The following DUSP5 variants were observed in gnomAD, a reference collection of about 807,000 sequenced individuals.
DUSP5 encodes dual specificity protein phosphatase 5.
A neutral mutation model predicts 33.6 loss-of-function variants in DUSP5; 22 were observed. That is an observed-to-expected ratio of 0.66 (90% CI 0.47 to 0.94). The LOEUF is 0.94. Among genes scored for constraint, DUSP5 ranks in the 40% least tolerant of loss-of-function variants. The probability of loss-of-function intolerance (pLI) is 0.00; values close to 1 mark genes in which losing one functional copy is unlikely to be tolerated. For synonymous variants in DUSP5, 270 were observed against 231.1 expected, an observed-to-expected ratio of 1.17 and a Z score of -1.53; for missense variants, 551 against 522.1, an observed-to-expected ratio of 1.06 and a Z score of -0.54.
In DUSP5 at chr10:110,498,215, C is replaced by T; in HGVS notation, c.94C>T (p.Leu32=). 2 of 1,512,596 alleles carry T rather than the reference C, an allele frequency of 1.3e-6. No individual in the cohort carries two copies. The highest frequency in any genetic ancestry group is 1.7e-4 in the Middle Eastern group (1 of 5,720). 93.7% of individuals were successfully genotyped at this position (1,512,596 alleles called of 1,614,324 possible). The change falls in exon 1 of 4, where the codon CTG becomes TTG. Residue 32 remains leucine, a synonymous_variant. Coordinates refer to ENST00000369583, the MANE Select transcript of DUSP5 (RefSeq NM_004419.4). ...RCVVLDCRPY[L]AFAASNVRGS... ...CGTGGTGCTCGACTGCCGGCCCTAT[C>T]TGGCCTTCGCTGCCTCGAACGTGCG...
chr10:110,502,841 A>G lies in DUSP5; in HGVS notation c.500A>G (p.Asn167Ser). 1.2e-6 allele frequency: 2 copies of G among 1,614,176 alleles called. No individual in the cohort carries two copies. Among genetic ancestry groups the G allele is most frequent in the Non-Finnish European group, 1.7e-6 (2 of 1,180,030 alleles). The change falls in exon 2 of 4, where the codon AAT (asparagine) becomes AGT (serine). Residue 167 changes from asparagine (N) to serine (S), a missense_variant. Physicochemically the swap from Asn to Ser is conservative, Grantham distance 46 (BLOSUM62 1). Around this residue, in one of 3 missense-constraint regions of DUSP5, gnomAD observed 381 missense variants for 310.4 expected, o/e 1.23. Transcript: ENST00000369583. ...LISQCGKPVV[N>S]VSYRPAYDQG... The stretch of plus-strand genomic sequence containing the variant: ...AGCCAGTGTGGAAAACCAGTGGTAA[A>G]TGTCAGCTACAGGCCAGCTTATGAC...
At chr10:110,499,863 A>G (rs964623837) in intron 1 of DUSP5, among the ~76,000 whole-genome samples, 10 of 152,194 alleles carry the variant, frequency 6.6e-5, no homozygotes, top group African/African-American at 2.4e-4. Context: ...AAGAGGTTCC[A>G]GGAGACCCTC....
rs114040780 is a variant in DUSP5 at position 110,504,786 on chromosome 10, A to G, written c.528+1917A>G. ...GAAGCCATGTTCTGTTCATTCTTCAATCTCTATGACAGTGGCAGCTATGTG... is the reference window on the plus strand; with the variant it reads ...GAAGCCATGTTCTGTTCATTCTTCAGTCTCTATGACAGTGGCAGCTATGTG... On this transcript the variant is annotated intron_variant, in intron 2 of 3. Transcript: ENST00000369583. Among the ~76,000 whole-genome samples, 894 of 152,280 alleles carry G rather than the reference A, an allele frequency of 5.9e-3. 8 individuals carry two copies. The highest frequency in any genetic ancestry group is 0.02 in the African/African-American group (850 of 41,550).
chr10:110,501,060 C>T (rs1225870364), intron 1 of DUSP5, among the ~76,000 whole-genome samples: 1 of 152,228 alleles, frequency 6.6e-6, no homozygotes, highest in Admixed American at 6.5e-5. Context: ...TCATTCTGAA[C>T]TCCAAATTCC....
chr10:110,502,944 G>C, intron 2 of DUSP5, 75 bp downstream of exon 2: 1 of 1,574,490 alleles, frequency 6.4e-7, no homozygotes, highest in Non-Finnish European at 8.7e-7. Flanking sequence ...CTCAGCACCT[G>C]ACTGTTCTCT....
chr10:110,510,020 A>C lies in DUSP5; in HGVS notation c.749A>C (p.Asp250Ala), dbSNP rs1231837373. 2.5e-6 allele frequency: 4 copies of C among 1,588,982 alleles called. No individual in the cohort carries two copies. The highest frequency in any genetic ancestry group is 2.7e-5 in the African/African-American group (2 of 74,458). ...TCCCACCATCTTTTCTTCCTTCCAG[A>C]CTGTGTCAGGGAAAAGGGAGGCAAG... The part of the protein sequence containing the change: ...SHFQEAIDFI[D>A]CVREKGGKVL... Residue 250 changes from aspartate (D) to alanine (A), a missense_variant and splice_region_variant, in exon 4 of 4, where the codon GAC becomes GCC. Physicochemically the swap from Asp to Ala is moderately radical, Grantham distance 126 (BLOSUM62 -2). This residue lies in a region of DUSP5 where 158 missense variants were observed against 181.8 expected (regional missense o/e 0.87). Coordinates refer to ENST00000369583, the MANE Select transcript of DUSP5 (RefSeq NM_004419.4).
intron 1 of DUSP5, among the ~76,000 whole-genome samples, chr10:110,500,659 T>G (rs1421003738): frequency 6.6e-6 from 1 of 152,226 alleles, no homozygotes; most frequent in East Asian, 1.9e-4. Flanking sequence ...ATAGTATCTG[T>G]GCTCTCTCTG....
chr10:110,507,236 C>A, intron 3 of DUSP5, 82 bp downstream of exon 3: 4 of 1,378,726 alleles, frequency 2.9e-6, no homozygotes, highest in Non-Finnish European at 2.0e-6. Context: ...CTGATGGAAG[C>A]TACCTTCACT....
intron 1 of DUSP5, among the ~76,000 whole-genome samples, chr10:110,500,062 G>A (rs2134656293): frequency 6.6e-6 from 1 of 152,276 alleles, no homozygotes; most frequent in South Asian, 2.1e-4. Flanking sequence ...GATGAGAAGC[G>A]GGTCTTCTGC....
chr10:110,499,742 G>C (rs897596038), intron 1 of DUSP5, among the ~76,000 whole-genome samples: 1 of 152,220 alleles, frequency 6.6e-6, no homozygotes, highest in Non-Finnish European at 1.5e-5. Context: ...GGGGATAGAG[G>C]GTTGGCCCTC....
chr10:110,506,720 G>A (rs1219179393), intron 2 of DUSP5, among the ~76,000 whole-genome samples: 2 of 152,192 alleles, frequency 1.3e-5, no homozygotes, highest in Non-Finnish European at 2.9e-5. Flanking sequence ...GGATTTTGCT[G>A]TCATTGAGTC....
At position 110,498,292 on chromosome 10, in the gene DUSP5, C is replaced by T. The variant is rs979866130; in HGVS notation, c.171C>T (p.Gly57=). ...LNSVVLRRAR[G]GAVSARYVLP... is the part of the protein sequence containing the mutation. Reference sequence around the variant, plus strand: ...CGGTGGTGCTGCGGCGGGCCCGGGGCGGCGCGGTGTCGGCGCGCTACGTGC... The same window carrying T: ...CGGTGGTGCTGCGGCGGGCCCGGGGTGGCGCGGTGTCGGCGCGCTACGTGC... Residue 57 remains glycine (G), a synonymous_variant, in exon 1 of 4, where the codon GGC becomes GGT. Coordinates refer to ENST00000369583, the MANE Select transcript of DUSP5 (RefSeq NM_004419.4). 3.5e-6 allele frequency: 5 copies of T among 1,445,562 alleles called. No homozygotes were observed. Among genetic ancestry groups the T allele is most frequent in the East Asian group, 2.9e-5 (1 of 34,248 alleles). 89.5% of individuals were successfully genotyped at this position (1,445,562 alleles called of 1,614,324 possible). A position where few individuals can be genotyped will look rare whatever the true frequency, so the allele number is the denominator to read the frequency against.
In DUSP5 at chr10:110,502,899, T is replaced by C. The variant is rs1360169916; in HGVS notation, c.528+30T>C. ...GTGATGTGATGGGGAAGAGGTATCC[T>C]GAGTGGTATTCTGGGCTCCTGTCTC... On this transcript the variant is annotated intron_variant, in intron 2 of 3. Coordinates refer to ENST00000369583, the MANE Select transcript of DUSP5 (RefSeq NM_004419.4). 4 of 1,613,046 alleles carry C rather than the reference T, an allele frequency of 2.5e-6. No homozygotes were observed. In the Admixed American group the frequency reaches 6.7e-5, roughly 27 times the overall value.
intron 1 of DUSP5, 31 bp downstream of exon 1, chr10:110,498,531 C>G: frequency 7.0e-7 from 1 of 1,422,466 alleles, no homozygotes; most frequent in Non-Finnish European, 9.1e-7. Context: ...CCACGCTCGC[C>G]CCTCCGGCGC....
intron 1 of DUSP5, among the ~76,000 whole-genome samples, chr10:110,500,441 C>A (rs1171391493): frequency 6.6e-6 from 1 of 152,222 alleles, no homozygotes; most frequent in African/African-American, 2.4e-5. Context: ...ACCCTTATAA[C>A]ACTACTAAAC....
chr10:110,510,345 C>T lies in DUSP5; in HGVS notation c.1074C>T (p.Ala358=). The T allele has an allele frequency of 6.2e-7, 1 of 1,613,944 alleles. No individual in the cohort carries two copies. Among genetic ancestry groups the T allele is most frequent in the Non-Finnish European group, 8.5e-7 (1 of 1,179,934 alleles). Residue 358 remains alanine, a synonymous_variant, in exon 4 of 4, where the codon GCC becomes GCT. Coordinates refer to ENST00000369583, the MANE Select transcript of DUSP5 (RefSeq NM_004419.4). ...AGGGTGCCTACTGCACATTCCCTGC[C>T]TCGGTGCTGGCACCGGTGCCTACCC... The part of the protein sequence containing the change: ...DMQGAYCTFP[A]SVLAPVPTHS...
rs1345305268 is a variant in DUSP5 at position 110,510,381 on chromosome 10, C to T, written c.1110C>T (p.Val370=). 2 of 1,610,540 alleles carry T rather than the reference C, an allele frequency of 1.2e-6. No individual in the cohort carries two copies. Among genetic ancestry groups the T allele is most frequent in the Non-Finnish European group, 1.7e-6 (2 of 1,178,104 alleles). The change falls in exon 4 of 4, where the codon GTC becomes GTT. Residue 370 remains valine (V), a synonymous_variant. Coordinates refer to ENST00000369583, the MANE Select transcript of DUSP5 (RefSeq NM_004419.4). Reference sequence around the variant, plus strand: ...CACCGGTGCCTACCCACTCAACAGTCTCAGAGCTCAGCAGAAGCCCTGTGG... The same window carrying T: ...CACCGGTGCCTACCCACTCAACAGTTTCAGAGCTCAGCAGAAGCCCTGTGG... ...VLAPVPTHST[V]SELSRSPVAT... is the part of the protein sequence containing the mutation.
chr10:110,509,310 T>A (rs1320595661), intron 3 of DUSP5, among the ~76,000 whole-genome samples: 6 of 152,230 alleles, frequency 3.9e-5, no homozygotes, highest in African/African-American at 1.4e-4. Flanking sequence ...CTCCCATTGT[T>A]GAGCAAGATG....
intron 3 of DUSP5, 123 bp from the exon 4 acceptor site, chr10:110,509,897 C>T (rs976458913): frequency 1.8e-5 from 24 of 1,306,870 alleles, no homozygotes; most frequent in Admixed American, 4.6e-5. Flanking sequence ...AGTGTAGGGC[C>T]GTGGCTCTTA....
Sources: allele counts gnomAD v4.1 joint callset (sites outside exome capture counted in the v4.1 genomes callset), GRCh38; gene constraint gnomAD v4.1.1; regional missense constraint gnomAD v4.1.1; transcripts MANE v1.5; gene names NCBI Gene and HGNC (gene_info 2026-07-23, HGNC 2026-07-21).